GTF3C1: variants seen among roughly 807,000 people sequenced by gnomAD.
GTF3C1 encodes general transcription factor IIIC subunit 1, also known as general transcription factor 3C polypeptide 1.
Under a neutral mutation model 226.7 loss-of-function variants are expected in GTF3C1, and 57 were observed. The observed-to-expected ratio is 0.25, with a 90% CI of 0.20 to 0.31. GTF3C1 has a LOEUF of 0.31. Ranked by LOEUF, GTF3C1 falls within the 10% of genes least tolerant of loss-of-function variation. The pLI is 1.00. For missense variants in GTF3C1, 2,217 were observed against 2,776.1 expected (o/e 0.80, Z 4.53); for synonymous variants, 1,090 against 1,084.8 (o/e 1.00, Z -0.09).
chr16:27,539,877 G>T (rs1189779294), intron 2 of GTF3C1, among the ~76,000 whole-genome samples: 1 of 152,110 alleles, frequency 6.6e-6, no homozygotes, highest in Non-Finnish European at 1.5e-5. Flanking sequence ...ACAGACTTCT[G>T]TTCTTTATAA....
At chr16:27,546,607 C>T (rs2089168585) in intron 1 of GTF3C1, among the ~76,000 whole-genome samples, 1 of 151,598 alleles carries the variant, frequency 6.6e-6, no homozygotes. Flanking sequence ...TTGCAAAGTG[C>T]TAGGATTACA....
chr16:27,473,712 T>C (rs768350139), intron 29 of GTF3C1, among the ~76,000 whole-genome samples: 87 of 152,182 alleles, frequency 5.7e-4, no homozygotes, highest in Non-Finnish European at 7.4e-4. Context: ...ACCCAGGTGT[T>C]CCCTGGAGCG....
chr16:27,499,716 T>C (rs1194654090), intron 12 of GTF3C1, among the ~76,000 whole-genome samples: 1 of 152,144 alleles, frequency 6.6e-6, no homozygotes, highest in Admixed American at 6.5e-5. Context: ...AGGCAACATT[T>C]CAGAGAATTC....
intron 8 of GTF3C1, 108 bp downstream of exon 8, chr16:27,508,429 CCTT>C (rs2141405718): frequency 1.2e-6 from 1 of 828,032 alleles, no homozygotes; most frequent in Non-Finnish European, 2.0e-6. Flanking sequence ...CCATTTGCCT[CCTT>C]GACACAGATG....
Position 27,506,952 on chromosome 16 carries a change from C to G in GTF3C1, c.1447G>C (p.Glu483Gln), listed in dbSNP as rs1467569116. 3.1e-6 allele frequency: 5 copies of G among 1,613,784 alleles called. No homozygotes were observed. The highest frequency in any genetic ancestry group is 4.2e-6 in the Non-Finnish European group (5 of 1,179,864). The change falls in exon 9 of 37, where the codon GAG becomes CAG. Residue 483 changes from glutamate to glutamine, a missense_variant. Physicochemically the swap from Glu to Gln is conservative, Grantham distance 29. Coordinates refer to ENST00000356183, the MANE Select transcript of GTF3C1 (RefSeq NM_001520.4). ...CCTCTCCGCTTGCTGCTGCTCCTCT[C>G]CTCCTCACTGTCCGACTCAGAGAGG... is the stretch of plus-strand genomic sequence containing the variant. ...TFLSESDSEE[E>Q]RSSSKRRGRG...
At chr16:27,541,519 G>A (rs191487225) in intron 2 of GTF3C1, among the ~76,000 whole-genome samples, 10 of 152,192 alleles carry the variant, frequency 6.6e-5, no homozygotes, top group Admixed American at 1.3e-4. Flanking sequence ...TTTGAGCAAC[G>A]TATAATCTAG....
chr16:27,525,467 C>T lies in GTF3C1; in HGVS notation c.973+3131G>A, dbSNP rs1029314378. On this transcript the variant is annotated intron_variant, in intron 6 of 36. Coordinates refer to ENST00000356183, the MANE Select transcript of GTF3C1 (RefSeq NM_001520.4). ...AAGGTTTCCTAACCTCCCAGCTGTT[C>T]CTTCTTTGTTTATATACCTGTGGTA... Among the ~76,000 whole-genome samples the T allele has an allele frequency of 3.3e-5, 5 of 152,318 alleles. No individual in the cohort carries two copies. The South Asian group carries it at 6.2e-4, about 19-fold the overall frequency.
chr16:27,532,773 C>T (rs962680704), intron 5 of GTF3C1, among the ~76,000 whole-genome samples: 3 of 152,124 alleles, frequency 2.0e-5, no homozygotes, highest in Non-Finnish European at 4.4e-5. Context: ...GGTCCTAGAA[C>T]GAACTCCAGG....
At position 27,549,853 on chromosome 16, in the gene GTF3C1, A is replaced by T; in HGVS notation, c.38T>A (p.Leu13Gln). Residue 13 changes from leucine to glutamine, a missense_variant, in exon 1 of 37, where the codon CTG becomes CAG. This residue lies in a region of GTF3C1 where 192 missense variants were observed against 251.8 expected (regional missense o/e 0.76). Transcript: ENST00000356183. ...CAGACACAGGCCATCGAGCCCCTCC[A>T]GAGCGACTTCGTCCAACAACGACTC... ...ALESLLDEVA[L>Q]EGLDGLCLPA... 1.2e-6 allele frequency: 2 copies of T among 1,612,960 alleles called. No individual in the cohort carries two copies. Among genetic ancestry groups the T allele is most frequent in the Non-Finnish European group, 1.7e-6 (2 of 1,179,706 alleles).
rs2087704815 is a variant in GTF3C1, at chr16:27,461,515, T to C, written c.6165A>G (p.Pro2055=). The C allele has an allele frequency of 1.2e-6, 2 of 1,613,964 alleles. No homozygotes were observed. Among genetic ancestry groups the C allele is most frequent in the Non-Finnish European group, 1.7e-6 (2 of 1,179,978 alleles). ...GTGTAGAGAAGAGCGAGACAGGCCT[T>C]GGCTTTCTCAGCCAGCGCTTCCGGA... ...GCIRKRWLRK[P]RPVSLFSTPV... Residue 2055 remains proline, a synonymous_variant, in exon 37 of 37, where the codon CCA becomes CCG. Transcript: ENST00000356183. The surrounding 1 kb of genome is among the most constrained non-coding windows in gnomAD (Gnocchi z 5.3).
chr16:27,490,614 G>A (rs1326012225), intron 19 of GTF3C1, among the ~76,000 whole-genome samples: 4 of 152,180 alleles, frequency 2.6e-5, no homozygotes, highest in Non-Finnish European at 5.9e-5. Flanking sequence ...CGTTTGAATG[G>A]ACCCTTGAAA....
At chr16:27,515,372 C>T (rs1184348549) in intron 6 of GTF3C1, among the ~76,000 whole-genome samples, 2 of 151,894 alleles carry the variant, frequency 1.3e-5, no homozygotes, top group African/African-American at 4.8e-5. Context: ...TTGCTTGAGC[C>T]CAGGAGTTTG....
intron 4 of GTF3C1, 142 bp downstream of exon 4, chr16:27,537,642 A>G: frequency 3.2e-6 from 2 of 623,328 alleles, no homozygotes; most frequent in Non-Finnish European, 5.7e-6. Context: ...TCTTGGCCTC[A>G]AGCAGTTCTC....
At chr16:27,506,448 C>T (rs1190341141) in intron 9 of GTF3C1, among the ~76,000 whole-genome samples, 2 of 152,100 alleles carry the variant, frequency 1.3e-5, no homozygotes, top group Admixed American at 6.5e-5. Flanking sequence ...AACGATGTCC[C>T]CAGGGGGCTC....
chr16:27,532,825 G>C (rs1430993153), intron 5 of GTF3C1, among the ~76,000 whole-genome samples: 1 of 152,138 alleles, frequency 6.6e-6, no homozygotes, highest in Non-Finnish European at 1.5e-5. Context: ...TTAAATGAAG[G>C]ACAAAGCACT....
Position 27,469,148 on chromosome 16 carries a change from G to T in GTF3C1, c.5074+143C>A. On this transcript the variant is annotated intron_variant, in intron 32 of 36. Coordinates refer to ENST00000356183, the MANE Select transcript of GTF3C1 (RefSeq NM_001520.4). This position sits in a 1 kb window ranked among gnomAD's most constrained non-coding sequence, Gnocchi z 4.5. ...AAGGCATCCCTTGAGTTGGCTGCAA[G>T]GATGGGGTGTGTTTTTCTGTGTGTT... 1.2e-6 allele frequency: 1 copy of T among 842,094 alleles called. No individual in the cohort carries two copies. The highest frequency in any genetic ancestry group is 1.8e-6 in the Non-Finnish European group (1 of 556,702). The allele number at this position is 842,094 out of a possible 1,614,324, so 52.2% of individuals were successfully genotyped here. A position where few individuals can be genotyped will look rare whatever the true frequency, so the allele number is the denominator to read the frequency against.
intron 27 of GTF3C1, chr16:27,480,866 C>A: frequency 1.9e-6 from 1 of 538,030 alleles, no homozygotes. Context: ...CCTGAAGGAC[C>A]AATGGGAGAA....
chr16:27,541,033 G>GT (rs1426791034), intron 2 of GTF3C1, among the ~76,000 whole-genome samples: 3 of 152,124 alleles, frequency 2.0e-5, no homozygotes, highest in Non-Finnish European at 4.4e-5. Context: ...TAGAGATGGG[G>GT]TTTTGCCATC....
In GTF3C1 at chr16:27,470,268, G is replaced by T. The variant is rs778667742; in HGVS notation, c.4654C>A (p.Pro1552Thr). ...FSFKDQDNNE[P>T]TNDMVAFSLD... The stretch of plus-strand genomic sequence containing the variant: ...GAAAAGGCCACCATGTCGTTTGTGG[G>T]CTCGTTATTATCCTGGTCTTTGAAA... Residue 1552 changes from proline to threonine, a missense_variant, in exon 31 of 37, where the codon CCC (proline) becomes ACC (threonine). Coordinates refer to ENST00000356183, the MANE Select transcript of GTF3C1 (RefSeq NM_001520.4). This position sits in a 1 kb window ranked among gnomAD's most constrained non-coding sequence, Gnocchi z 4.9. 1 of 1,613,740 alleles carries T rather than the reference G, an allele frequency of 6.2e-7. No homozygotes were observed. The highest frequency in any genetic ancestry group is 1.6e-4 in the Middle Eastern group (1 of 6,084).
Sources: allele counts gnomAD v4.1 joint callset (sites outside exome capture counted in the v4.1 genomes callset), GRCh38; gene constraint gnomAD v4.1.1; regional missense constraint gnomAD v4.1.1; non-coding constraint Gnocchi (gnomAD v3.1); transcripts MANE v1.5; gene names NCBI Gene and HGNC (gene_info 2026-07-23, HGNC 2026-07-21).